SVOPL: variants seen among roughly 807,000 people sequenced by gnomAD.
SVOPL encodes putative transporter SVOPL.
SVOPL carries 60 observed loss-of-function variants against 61.0 expected under a neutral mutation model. The ratio of observed to expected loss-of-function variants is 0.98; its 90% CI spans 0.80 to 1.22. The LOEUF (loss-of-function observed/expected upper bound fraction) is 1.22, where lower values mean the gene tolerates loss of function less well. Ranked by LOEUF, SVOPL falls within the 50% of genes most tolerant of loss-of-function variation. The pLI is 0.00. For missense variants in SVOPL, 662 were observed against 643.9 expected (o/e 1.03, Z -0.30); for synonymous variants, 279 against 250.0 (o/e 1.12, Z -1.09).
intron 1 of SVOPL, among the ~76,000 whole-genome samples, chr7:138,682,259 A>G (rs11769346): frequency 0.52 from 79,625 of 151,942 alleles, 22,840 homozygotes; most frequent in African/African-American, 0.77. Context: ...CTATGAGAGG[A>G]ATATGACTGA....
intron 1 of SVOPL, among the ~76,000 whole-genome samples, chr7:138,698,592 G>A (rs1395262028): frequency 2.0e-5 from 3 of 152,234 alleles, no homozygotes; most frequent in South Asian, 2.1e-4. Flanking sequence ...CAGACACCAC[G>A]TATGAAGGAA....
chr7:138,664,429 G>A (rs1370359272), intron 4 of SVOPL, among the ~76,000 whole-genome samples: 4 of 137,882 alleles, frequency 2.9e-5, no homozygotes, highest in Non-Finnish European at 4.6e-5. Flanking sequence ...TAACCCTCTG[G>A]CACCCCGTAT....
intron 5 of SVOPL, chr7:138,662,370 T>C (rs1209256611): frequency 2.0e-6 from 2 of 985,300 alleles, no homozygotes; most frequent in Non-Finnish European, 1.2e-6. Context: ...AACAGATAGG[T>C]GCCTGAGGGT....
intron 13 of SVOPL, among the ~76,000 whole-genome samples, chr7:138,623,655 A>C (rs114913434): frequency 0.026 from 4,017 of 152,208 alleles, 185 homozygotes; most frequent in African/African-American, 0.091. Context: ...CAAAATGAGC[A>C]AATTCCACAA....
At chr7:138,690,553 G>A (rs1245512109) in intron 1 of SVOPL, among the ~76,000 whole-genome samples, 2 of 152,166 alleles carry the variant, frequency 1.3e-5, no homozygotes, top group Admixed American at 6.6e-5. Context: ...ACTATATATT[G>A]TATGATTCCA....
At chr7:138,615,237 C>T (rs1799236768) in intron 14 of SVOPL, among the ~76,000 whole-genome samples, 1 of 151,980 alleles carries the variant, frequency 6.6e-6, no homozygotes, top group Non-Finnish European at 1.5e-5. Context: ...GTGGAGCACT[C>T]ATGAATGGAA....
chr7:138,653,035 C>G (rs1295232216), intron 7 of SVOPL, among the ~76,000 whole-genome samples: 1 of 152,158 alleles, frequency 6.6e-6, no homozygotes, highest in East Asian at 1.9e-4. Context: ...CTGGATAGAT[C>G]AAAGTGCCAC....
chr7:138,699,057 CAGG>C (rs1228981320), intron 1 of SVOPL, among the ~76,000 whole-genome samples: 2 of 152,168 alleles, frequency 1.3e-5, no homozygotes, highest in Non-Finnish European at 2.9e-5. Flanking sequence ...GAGGCTGAGG[CAGG>C]AGAATTGCTT....
In SVOPL at chr7:138,656,491, A is replaced by G. The variant is rs759710821; in HGVS notation, c.491T>C (p.Phe164Ser). ...HSQGLIIKTE[F>S]LPTKYRGYML... ...ATAGCCTCGGTATTTCGTGGGCAAA[A>G]ATTCAGTCTTTATGATTAACCTAAA... The change falls in exon 7 of 16, where the codon TTT becomes TCT. Residue 164 changes from phenylalanine to serine, a missense_variant. Transcript: ENST00000674285. 1.2e-6 allele frequency: 2 copies of G among 1,614,088 alleles called. No individual in the cohort carries two copies. Among genetic ancestry groups the G allele is most frequent in the Admixed American group, 3.3e-5 (2 of 60,018 alleles).
intron 10 of SVOPL, 99 bp from the exon 11 acceptor site, chr7:138,628,462 C>T: frequency 8.0e-7 from 1 of 1,249,652 alleles, no homozygotes; most frequent in South Asian, 1.4e-5. Flanking sequence ...ATGTGGAAAG[C>T]AAAGAGAGCA....
chr7:138,678,706 G>C (rs1315497327), intron 2 of SVOPL, among the ~76,000 whole-genome samples, 181 bp from the exon 3 acceptor site: 1 of 152,242 alleles, frequency 6.6e-6, no homozygotes, highest in East Asian at 1.9e-4. Flanking sequence ...GAGTAGCTGA[G>C]ATTACACACA....
At chr7:138,690,981 GTCAGGCTAGTC>G (rs1802927235) in intron 1 of SVOPL, among the ~76,000 whole-genome samples, 1 of 151,996 alleles carries the variant, frequency 6.6e-6, no homozygotes. Context: ...CACCATTTTG[GTCAGGCTAGTC>G]TCAAACTCCT....
intron 1 of SVOPL, among the ~76,000 whole-genome samples, chr7:138,679,436 A>C (rs1452807000): frequency 1.3e-5 from 2 of 151,558 alleles, no homozygotes; most frequent in African/African-American, 4.9e-5. Flanking sequence ...TGCCTGGCTA[A>C]TTTTTTTTGT....
At chr7:138,669,365 A>G (rs1802358497) in intron 4 of SVOPL, among the ~76,000 whole-genome samples, 1 of 152,148 alleles carries the variant, frequency 6.6e-6, no homozygotes, top group African/African-American at 2.4e-5. Flanking sequence ...CTATGATCGC[A>G]CCACCACACT....
intron 14 of SVOPL, among the ~76,000 whole-genome samples, chr7:138,614,748 T>C (rs1799213337): frequency 1.3e-5 from 2 of 152,144 alleles, no homozygotes; most frequent in South Asian, 4.1e-4. Flanking sequence ...GCTGGAGATT[T>C]GGGGATGACA....
At chr7:138,660,302 G>A (rs1801947349) in intron 5 of SVOPL, 1 of 1,084,172 alleles carries the variant, frequency 9.2e-7, no homozygotes, top group Admixed American at 4.8e-5. Context: ...CAGGGCTGCT[G>A]GGGACGTAAT....
chr7:138,599,887 CAAAAAAAAAAA>C (rs11379417), intron 14 of SVOPL, among the ~76,000 whole-genome samples: 2 of 108,938 alleles, frequency 1.8e-5, no homozygotes, highest in Non-Finnish European at 3.9e-5. Flanking sequence ...GACTCCGTCT[CAAAAAAAAAAA>C]AAAAAAGGAA....
intron 9 of SVOPL, among the ~76,000 whole-genome samples, chr7:138,638,556 C>T (rs1449971263): frequency 1.3e-5 from 2 of 152,022 alleles, no homozygotes; most frequent in Non-Finnish European, 2.9e-5. Context: ...GATTGCACCA[C>T]TGCACTCCCG....
At chr7:138,658,226 C>CA (rs1801839315) in intron 6 of SVOPL, among the ~76,000 whole-genome samples, 1 of 152,112 alleles carries the variant, frequency 6.6e-6, no homozygotes, top group Non-Finnish European at 1.5e-5. Flanking sequence ...GTCTCAGCTT[C>CA]ATTTTACCCA....
Sources: gnomAD v4.1 joint callset for allele counts (sites outside exome capture counted in the v4.1 genomes callset) on GRCh38, gnomAD v4.1.1 for gene constraint, MANE v1.5 for transcripts, NCBI Gene and HGNC (gene_info 2026-07-23, HGNC 2026-07-21) for gene names.